Variants in KMT2C observed in about 807,000 individuals in gnomAD.
KMT2C encodes the protein histone-lysine N-methyltransferase 2C.
KMT2C carries 88 observed loss-of-function variants against 507.9 expected under a neutral mutation model. The ratio of observed to expected loss-of-function variants is 0.17; its 90% confidence interval spans 0.15 to 0.21. The LOEUF (loss-of-function observed/expected upper bound fraction) is 0.21, where lower values mean the gene tolerates loss of function less well. KMT2C is among the 10% of genes least tolerant of loss of function. The probability of loss-of-function intolerance (pLI) is 1.00; values close to 1 mark genes in which losing one functional copy is unlikely to be tolerated. For synonymous variants in KMT2C, 2,049 were observed against 2,080.8 expected (o/e 0.98, Z 0.42); for missense variants, 4,954 against 5,957.8 (o/e 0.83, Z 5.55).
Position 152,162,323 on chromosome 7 carries a change from G to T in KMT2C, c.11254C>A (p.Pro3752Thr), listed in dbSNP as rs768536096. The T allele has an allele frequency of 4.3e-6, 7 of 1,614,242 alleles. No individual in the cohort carries two copies. The South Asian group carries it at 7.7e-5, about 18-fold the overall frequency. The stretch of plus-strand genomic sequence containing the variant: ...GGAGGACTCTGTGCTGAGGAGACAG[G>T]ACAGGCTACAGCGTTTCCTTCTACC... ...SKVEGNAVAC[P>T]VSSAQSPPHS... Residue 3752 changes from proline (P) to threonine (T), a missense_variant, in exon 43 of 59, where the codon CCT becomes ACT. Pro to Thr is a conservative substitution (Grantham distance 38). Coordinates refer to ENST00000262189, the MANE Select transcript of KMT2C (RefSeq NM_170606.3).
intron 6 of KMT2C, among the ~76,000 whole-genome samples, chr7:152,298,743 A>G (rs866067580): frequency 1.3e-5 from 2 of 152,242 alleles, no homozygotes; most frequent in Non-Finnish European, 2.9e-5. Flanking sequence ...ACATCTTTTA[A>G]ATTTTTTATT....
chr7:152,169,851 A>G (rs1362562448), intron 40 of KMT2C, among the ~76,000 whole-genome samples: 1 of 152,228 alleles, frequency 6.6e-6, no homozygotes, highest in Admixed American at 6.5e-5. Context: ...TCCCAAAAAA[A>G]TAAAAAAAAT....
intron 35 of KMT2C, 114 bp from the exon 36 acceptor site, chr7:152,182,708 G>A: frequency 1.1e-6 from 1 of 947,050 alleles, no homozygotes; most frequent in Non-Finnish European, 1.6e-6. Flanking sequence ...CTACCAGATT[G>A]CTCCCATATT....
chr7:152,164,291 ATTTT>A (rs879896015), intron 42 of KMT2C, among the ~76,000 whole-genome samples: 3 of 142,650 alleles, frequency 2.1e-5, no homozygotes, highest in African/African-American at 5.1e-5. Flanking sequence ...ATTGTACAAC[ATTTT>A]TTTTTTTTTT....
rs138045665 is a variant in KMT2C at position 152,215,723 on chromosome 7, TACACACACACAC to T, written c.3712+4788_3712+4799del. On this transcript the variant is annotated intron_variant, in intron 23 of 58. Coordinates refer to ENST00000262189, the MANE Select transcript of KMT2C (RefSeq NM_170606.3). Reference sequence around the variant, plus strand: ...CATACACACACAAAATATATATATATACACACACACACACACACACACACATTTCCTTATACA... The same window carrying T: ...CATACACACACAAAATATATATATATACACACACACACATTTCCTTATACA... Among the ~76,000 whole-genome samples, 18 of 135,966 alleles carry T rather than the reference TACACACACACAC, an allele frequency of 1.3e-4. 1 individual carries two copies. The highest frequency in any genetic ancestry group is 5.1e-4 in the Admixed American group (7 of 13,716). The allele number at this position is 135,966 out of a possible 152,430, so 89.2% of individuals were successfully genotyped here. A position where few individuals can be genotyped will look rare whatever the true frequency, so the allele number is the denominator to read the frequency against.
In KMT2C at chr7:152,194,231, G is replaced by C. The variant is rs2129129056; in HGVS notation, c.4538C>G (p.Pro1513Arg). Residue 1513 changes from proline (P) to arginine (R), a missense_variant and splice_region_variant, in exon 30 of 59, where the codon CCA (proline) becomes CGA (arginine). Physicochemically the swap from Pro to Arg is moderately radical, Grantham distance 103. This residue lies in a region of KMT2C where 195 missense variants were observed against 183.7 expected (regional missense o/e 1.06). Transcript: ENST00000262189. ...GAILGKLYKI[P>R]ELGGKDVEDL... ...CTAGAAAATCAAAACACATTTACCT[G>C]GAATTTTATATAATTTTCCAAGAAT... 6.5e-7 allele frequency: 1 copy of C among 1,529,182 alleles called. No homozygotes were observed. The highest frequency in any genetic ancestry group is 8.9e-7 in the Non-Finnish European group (1 of 1,127,946). 94.7% of individuals were successfully genotyped at this position (1,529,182 alleles called of 1,614,324 possible). A position where few individuals can be genotyped will look rare whatever the true frequency, so the allele number is the denominator to read the frequency against.
At position 152,300,887 on chromosome 7, in the gene KMT2C, G is replaced by A. The variant is rs187518275; in HGVS notation, c.849+9079C>T. Among the ~76,000 whole-genome samples the A allele has an allele frequency of 4.2e-4, 64 of 152,014 alleles. No individual in the cohort carries two copies. In the East Asian group the frequency reaches 0.011, roughly 26 times the overall value. ...ATCCTAGCCAACATGGCGAAACCCC[G>A]TCTCTACTAAAACTACAAAAAGTAG... On this transcript the variant is annotated intron_variant, in intron 6 of 58. Coordinates refer to ENST00000262189, the MANE Select transcript of KMT2C (RefSeq NM_170606.3).
rs1340576708 is a variant in KMT2C at position 152,152,752 on chromosome 7, G to A, written c.12479C>T (p.Ser4160Phe). Residue 4160 changes from serine to phenylalanine, a missense_variant, in exon 49 of 59, where the codon TCT becomes TTT. This residue lies in a region of KMT2C where 417 missense variants were observed against 461.1 expected (regional missense o/e 0.90). Coordinates refer to ENST00000262189, the MANE Select transcript of KMT2C (RefSeq NM_170606.3). The part of the protein sequence containing the change: ...GSANPPRLVS[S>F]YRLKQPNVPF... ...TACATTAGGCTGCTTCAGCCGGTAA[G>A]AGCTCACTAATCTGGGAGGGTTTGC... 1 of 1,614,206 alleles carries A rather than the reference G, an allele frequency of 6.2e-7. No homozygotes were observed. The highest frequency in any genetic ancestry group is 8.5e-7 in the Non-Finnish European group (1 of 1,180,040).
At position 152,369,071 on chromosome 7, in the gene KMT2C, C is replaced by A. The variant is rs552347434; in HGVS notation, c.162-10396G>T. 1.9e-3 allele frequency among the ~76,000 whole-genome samples: 288 copies of A among 151,914 alleles called. 1 individual carries two copies. The highest frequency in any genetic ancestry group is 3.3e-3 in the Non-Finnish European group (221 of 67,954). Reference sequence around the variant, plus strand: ...GGAGCAGTGGCTCACACCTGTAATCCCAGCACTTTGGAAGGCCAAGGCAGG... The same window carrying A: ...GGAGCAGTGGCTCACACCTGTAATCACAGCACTTTGGAAGGCCAAGGCAGG... On this transcript the variant is annotated intron_variant, in intron 1 of 58. Transcript: ENST00000262189.
At chr7:152,430,108 G>A (rs374737859) in intron 1 of KMT2C, among the ~76,000 whole-genome samples, 3 of 151,248 alleles carry the variant, frequency 2.0e-5, no homozygotes, top group Admixed American at 6.6e-5. Flanking sequence ...AATCCGGAGG[G>A]CGGCAGCCAC....
At chr7:152,219,584 A>G (rs1227362685) in intron 23 of KMT2C, among the ~76,000 whole-genome samples, 1 of 151,814 alleles carries the variant, frequency 6.6e-6, no homozygotes, top group Non-Finnish European at 1.5e-5. Flanking sequence ...TGCCCCTTAA[A>G]AAAAAAAAAC....
At chr7:152,157,989 C>T (rs2092183207) in intron 44 of KMT2C, 1 of 1,164,240 alleles carries the variant, frequency 8.6e-7, no homozygotes, top group Non-Finnish European at 1.1e-6. Context: ...GCTCAACTTT[C>T]TAAGACCCGA....
intron 1 of KMT2C, among the ~76,000 whole-genome samples, chr7:152,387,805 A>C (rs1483206120): frequency 6.6e-6 from 1 of 152,100 alleles, no homozygotes; most frequent in Non-Finnish European, 1.5e-5. Context: ...ATATATGCCT[A>C]TGTCTGTATT....
intron 3 of KMT2C, among the ~76,000 whole-genome samples, chr7:152,329,303 G>C (rs2096858591): frequency 6.6e-6 from 1 of 152,102 alleles, no homozygotes; most frequent in South Asian, 2.1e-4. Context: ...AGTGGTTCAT[G>C]CTTGCACTTC....
At chr7:152,331,665 T>C (rs1440870189) in intron 2 of KMT2C, among the ~76,000 whole-genome samples, 2 of 143,466 alleles carry the variant, frequency 1.4e-5, no homozygotes, top group South Asian at 4.4e-4. Context: ...TTTTTTTTTT[T>C]TTGATGGAGT....
At chr7:152,200,406 A>T (rs1404017531) in intron 26 of KMT2C, among the ~76,000 whole-genome samples, 3 of 152,226 alleles carry the variant, frequency 2.0e-5, no homozygotes, top group Non-Finnish European at 4.4e-5. Flanking sequence ...TTACTAAAAG[A>T]AAGTAAGTTG....
At chr7:152,175,968 AGGAGGT>A (rs2093186332) in intron 38 of KMT2C, among the ~76,000 whole-genome samples, 2 of 152,232 alleles carry the variant, frequency 1.3e-5, no homozygotes, top group South Asian at 4.1e-4. Context: ...ACTTGAACCC[AGGAGGT>A]GGAGGTTGCT....
Position 152,162,391 on chromosome 7 carries a change from G to A in KMT2C, c.11186C>T (p.Pro3729Leu), listed in dbSNP as rs750055710. ...CTCCAATTTAGGCTCCTCTTGGCCT[G>A]GGCAGGACTCTGTCTCAGCCTTTTC... ...KLEKAETESC[P>L]GQEEPKLEEQ... is the part of the protein sequence containing the mutation. Residue 3729 changes from proline to leucine, a missense_variant, in exon 43 of 59, where the codon CCA becomes CTA. Around this residue, in one of 29 missense-constraint regions of KMT2C, gnomAD observed 801 missense variants for 751.2 expected, o/e 1.07. Transcript: ENST00000262189. 7 of 1,614,086 alleles carry A rather than the reference G, an allele frequency of 4.3e-6. No individual in the cohort carries two copies. In the East Asian group the frequency reaches 1.6e-4, roughly 36 times the overall value.
At chr7:152,296,448 AG>A (rs2096497357) in intron 6 of KMT2C, among the ~76,000 whole-genome samples, 1 of 145,456 alleles carries the variant, frequency 6.9e-6, no homozygotes, top group African/African-American at 2.6e-5. Flanking sequence ...AAAAAAAAAG[AG>A]AGAGAGAGAG....
Sources: gnomAD v4.1 joint callset for allele counts (sites outside exome capture counted in the v4.1 genomes callset) on GRCh38, gnomAD v4.1.1 for gene constraint, gnomAD v4.1.1 regional missense constraint, MANE v1.5 for transcripts, NCBI Gene and HGNC (gene_info 2026-07-23, HGNC 2026-07-21) for gene names.